CACNA1A: variants seen among roughly 807,000 people sequenced by gnomAD.
CACNA1A encodes calcium voltage-gated channel subunit alpha1 A, also known as voltage-dependent P/Q-type calcium channel subunit alpha-1A.
CACNA1A carries 57 observed loss-of-function variants against 262.4 expected under a neutral mutation model. The observed-to-expected ratio is 0.22, with a 90% CI of 0.18 to 0.27. The LOEUF is 0.27. Ranked by LOEUF, CACNA1A falls within the 10% of genes least tolerant of loss-of-function variation. The pLI, the probability that CACNA1A is intolerant of heterozygous loss-of-function variation, is 1.00. For synonymous variants in CACNA1A, 1,431 were observed against 1,419.3 expected (o/e 1.01, Z -0.18); for missense variants, 2,526 against 3,562.8 (o/e 0.71, Z 7.41).
intron 24 of CACNA1A, chr19:13,275,469 T>C (rs560937631): frequency 2.4e-4 from 58 of 243,436 alleles, no homozygotes; most frequent in Non-Finnish European, 4.1e-4. Flanking sequence ...TGCACATTCG[T>C]TTCCTGATTG....
intron 3 of CACNA1A, among the ~76,000 whole-genome samples, chr19:13,437,719 CAA>C (rs907432347): frequency 1.6e-5 from 2 of 125,878 alleles, no homozygotes; most frequent in African/African-American, 6.1e-5. Context: ...AAAAAAGAAA[CAA>C]AAAGAGTTGG....
chr19:13,207,991 CCGCCGCGGAGTG>C lies in CACNA1A; in HGVS notation c.6831_6842del (p.Ser2277_Arg2280del). 3 of 1,334,504 alleles carry C rather than the reference CCGCCGCGGAGTG, an allele frequency of 2.2e-6. No individual in the cohort carries two copies. Among genetic ancestry groups the C allele is most frequent in the Non-Finnish European group, 2.9e-6 (3 of 1,047,284 alleles). 82.7% of individuals were successfully genotyped at this position (1,334,504 alleles called of 1,614,324 possible). On this transcript the variant is annotated inframe_deletion, in exon 47 of 47. Transcript: ENST00000360228. The surrounding 1 kb of genome is among the most constrained non-coding windows in gnomAD (Gnocchi z 5.7). ...GGGTCTGGGGGAGCTGGCGGCGGCCCCGCCGCGGAGTGCTGGTACCAGATGTTGAGGGGGCTG... is the reference window on the plus strand; with the variant it reads ...GGGTCTGGGGGAGCTGGCGGCGGCCCCTGGTACCAGATGTTGAGGGGGCTG...
chr19:13,221,241 T>TCTTTCTTTCTTTCTTTC (rs2055215222), intron 38 of CACNA1A, among the ~76,000 whole-genome samples: 1 of 68,330 alleles, frequency 1.5e-5, no homozygotes, highest in Non-Finnish European at 3.2e-5. Context: ...TTTCTTTTTT[T>TCTTTCTTTCTTTCTTTC]TTTTTTTTTT....
At chr19:13,297,434 G>A (rs1244150407) in intron 19 of CACNA1A, among the ~76,000 whole-genome samples, 1 of 152,200 alleles carries the variant, frequency 6.6e-6, no homozygotes, top group African/African-American at 2.4e-5. Context: ...AACACTTTGG[G>A]AGACTGAGGT....
intron 8 of CACNA1A, chr19:13,333,995 TCCC>T (rs1028902971): frequency 5.4e-6 from 1 of 184,138 alleles, no homozygotes; most frequent in African/African-American, 2.3e-5. Flanking sequence ...GGCACTTCTC[TCCC>T]CAAGTGACTC....
chr19:13,328,859 G>C (rs1386274970), intron 10 of CACNA1A, among the ~76,000 whole-genome samples: 1 of 151,928 alleles, frequency 6.6e-6, no homozygotes, highest in East Asian at 1.9e-4. Flanking sequence ...AGAAACTATG[G>C]ATCAGAAACA....
chr19:13,286,986 G>C lies in CACNA1A; in HGVS notation c.3090-20C>G, dbSNP rs751319415. On this transcript the variant is annotated intron_variant, in intron 19 of 46. Transcript: ENST00000360228. ...TTCTCTCTGAGGAAGGCAAGTGAAT[G>C]AAAAAGAACCAACAACTGATTTAGG... 6.5e-7 allele frequency: 1 copy of C among 1,533,834 alleles called. No homozygotes were observed. Among genetic ancestry groups the C allele is most frequent in the Non-Finnish European group, 8.8e-7 (1 of 1,131,680 alleles).
intron 34 of CACNA1A, among the ~76,000 whole-genome samples, chr19:13,232,314 G>A (rs949108909): frequency 3.3e-5 from 5 of 150,970 alleles, no homozygotes; most frequent in South Asian, 2.1e-4. Context: ...CTCCCGCCTC[G>A]GCCTCCTGAG....
chr19:13,289,882 T>G (rs2057493518), intron 19 of CACNA1A, among the ~76,000 whole-genome samples: 1 of 150,532 alleles, frequency 6.6e-6, no homozygotes, highest in East Asian at 1.9e-4. Context: ...TCACTTGTTC[T>G]GTAGTTTCTA....
intron 35 of CACNA1A, among the ~76,000 whole-genome samples, chr19:13,230,996 TTTTTTG>T (rs1568442559): frequency 4.5e-5 from 6 of 131,952 alleles, no homozygotes; most frequent in South Asian, 5.1e-4. Flanking sequence ...TGTTTTTTTT[TTTTTTG>T]TTTGTTTTTG....
Position 13,506,051 on chromosome 19 carries a change from G to T in CACNA1A, c.174C>A (p.Thr58=). Residue 58 remains threonine, a synonymous_variant, in exon 1 of 47, where the codon ACC becomes ACA. Coordinates refer to ENST00000360228, the MANE Select transcript of CACNA1A (RefSeq NM_001127222.2). ...CGGGGATGGGGTTGTAGAGTGCCATGGTCCGCGCTCTCTGCGCCATTGACT... is the reference window on the plus strand; with the variant it reads ...CGGGGATGGGGTTGTAGAGTGCCATTGTCCGCGCTCTCTGCGCCATTGACT... ...YKQSMAQRAR[T]MALYNPIPVR... is the part of the protein sequence containing the mutation. 1 of 1,613,964 alleles carries T rather than the reference G, an allele frequency of 6.2e-7. No individual in the cohort carries two copies. The highest frequency in any genetic ancestry group is 1.3e-5 in the African/African-American group (1 of 75,066).
intron 19 of CACNA1A, among the ~76,000 whole-genome samples, chr19:13,293,752 G>A (rs567747936): frequency 6.6e-6 from 1 of 151,576 alleles, no homozygotes; most frequent in South Asian, 2.1e-4. Context: ...CACCGCGCCC[G>A]GCTCAGTTAA....
At chr19:13,252,956 C>G (rs1372066516) in intron 30 of CACNA1A, 35 bp downstream of exon 30, 2 of 1,418,256 alleles carry the variant, frequency 1.4e-6, no homozygotes, top group East Asian at 4.6e-5. Context: ...GGGCTTCTCC[C>G]AAGCCCATAG....
rs2054913701 is a variant in CACNA1A at position 13,214,151 on chromosome 19, C to G, written c.5940+82G>C. On this transcript the variant is annotated intron_variant, in intron 40 of 46. Coordinates refer to ENST00000360228, the MANE Select transcript of CACNA1A (RefSeq NM_001127222.2). This position sits in a 1 kb window ranked among gnomAD's most constrained non-coding sequence, Gnocchi z 4.1. ...GGGACCTGCCCTGGGGCTCAGCCAC[C>G]CTCATATTCCAGTTGGTTCCCGTGG... 1 of 1,151,508 alleles carries G rather than the reference C, an allele frequency of 8.7e-7. No individual in the cohort carries two copies. The highest frequency in any genetic ancestry group is 1.3e-5 in the South Asian group (1 of 75,510). The allele number at this position is 1,151,508 out of a possible 1,614,324, so 71.3% of individuals were successfully genotyped here.
Position 13,210,436 on chromosome 19 carries a change from G to C in CACNA1A, c.6339+181C>G, listed in dbSNP as rs947253748. Among the ~76,000 whole-genome samples the C allele has an allele frequency of 3.3e-5, 5 of 152,172 alleles. 1 individual carries two copies. The South Asian group carries it at 1.0e-3, about 32-fold the overall frequency. On this transcript the variant is annotated intron_variant, in intron 44 of 46. Transcript: ENST00000360228. Reference sequence around the variant, plus strand: ...TGGCCCCGCCCACCAGGGCTTATGGGTGAGGGGCACACACAGGACACCACA... The same window carrying C: ...TGGCCCCGCCCACCAGGGCTTATGGCTGAGGGGCACACACAGGACACCACA...
intron 1 of CACNA1A, among the ~76,000 whole-genome samples, chr19:13,472,458 TAGA>T (rs750039299): frequency 2.8e-4 from 42 of 152,236 alleles, no homozygotes; most frequent in Non-Finnish European, 5.1e-4. Context: ...GAACTTGACC[TAGA>T]AGGTCTTGTG....
At chr19:13,346,666 A>AT (rs74181823) in intron 6 of CACNA1A, among the ~76,000 whole-genome samples, 10 of 8,288 alleles carry the variant, frequency 1.2e-3, no homozygotes, top group South Asian at 0.011. Flanking sequence ...ATATATATAT[A>AT]TTTTTTTTTT....
chr19:13,208,001 G>C lies in CACNA1A; in HGVS notation c.6833C>G (p.Thr2278Ser). 7.5e-7 allele frequency: 1 copy of C among 1,331,258 alleles called. No homozygotes were observed. The highest frequency in any genetic ancestry group is 9.6e-7 in the Non-Finnish European group (1 of 1,045,752). The allele number at this position is 1,331,258 out of a possible 1,614,324, so 82.5% of individuals were successfully genotyped here. The change falls in exon 47 of 47, where the codon ACT becomes AGT. Residue 2278 changes from threonine to serine, a missense_variant. This residue lies in a region of CACNA1A where 929 missense variants were observed against 868.1 expected (regional missense o/e 1.07). Transcript: ENST00000360228. ...GAGCTGGCGGCGGCCCCGCCGCGGA[G>C]TGCTGGTACCAGATGTTGAGGGGGC... The part of the protein sequence containing the change: ...SPAPSTSGTS[T>S]PRRGRRQLPQ...
intron 18 of CACNA1A, among the ~76,000 whole-genome samples, chr19:13,300,097 C>T (rs149740389): frequency 6.6e-6 from 1 of 152,290 alleles, no homozygotes; most frequent in Non-Finnish European, 1.5e-5. Context: ...AGGCCTCGGC[C>T]TGGTACCAGT....
Sources: gnomAD v4.1 joint callset for allele counts (sites outside exome capture counted in the v4.1 genomes callset) on GRCh38, gnomAD v4.1.1 for gene constraint, gnomAD v4.1.1 regional missense constraint, Gnocchi (gnomAD v3.1) non-coding constraint, MANE v1.5 for transcripts, NCBI Gene and HGNC (gene_info 2026-07-23, HGNC 2026-07-21) for gene names.